Variants in PALS2 observed in about 807,000 individuals in gnomAD.
PALS2 encodes the protein protein PALS2.
A neutral mutation model predicts 61.6 loss-of-function variants in PALS2; 27 were observed. The ratio of observed to expected loss-of-function variants is 0.44; its 90% confidence interval spans 0.32 to 0.60. The LOEUF is 0.60. Among genes scored for constraint, PALS2 ranks in the 20% least tolerant of loss-of-function variants. The pLI, the probability that PALS2 is intolerant of heterozygous loss-of-function variation, is 0.05. For missense variants in PALS2, 554 were observed against 639.4 expected, an observed-to-expected ratio of 0.87 and a Z score of 1.44; for synonymous variants, 236 against 218.6, an observed-to-expected ratio of 1.08 and a Z score of -0.70.
chr7:24,618,263 C>CT lies in PALS2; in HGVS notation c.-2-5403_-2-5402insT, dbSNP rs1175018079. Among the ~76,000 whole-genome samples the CT allele has an allele frequency of 1.2e-4, 18 of 152,110 alleles. No individual in the cohort carries two copies. The East Asian group carries it at 3.5e-3, about 29-fold the overall frequency. ...AAGGGTGGGTTCTCCCTGGATGTGT[C>CT]CACCAGACTGTTTGACCAGAAGTGC... On this transcript the variant is annotated intron_variant, in intron 1 of 11. Coordinates refer to ENST00000222644, the MANE Select transcript of PALS2 (RefSeq NM_001303037.2). This position sits in a 1 kb window ranked among gnomAD's most constrained non-coding sequence, Gnocchi z 5.1.
rs191460177 is a variant in PALS2, at chr7:24,573,712, C to T, written c.-3+119C>T. 902 of 154,404 alleles carry T rather than the reference C, an allele frequency of 5.8e-3. 32 individuals are homozygous for T. In the East Asian group the frequency reaches 0.091, roughly 16 times the overall value. The allele number at this position is 154,404 out of a possible 1,614,324, so 9.6% of individuals were successfully genotyped here. Reference sequence around the variant, plus strand: ...GCGGGGACCCTGGCCCGCCCCGCCCCCCTCGGCACCTGGGCTTCGGCGGGC... The same window carrying T: ...GCGGGGACCCTGGCCCGCCCCGCCCTCCTCGGCACCTGGGCTTCGGCGGGC... On this transcript the variant is annotated intron_variant, in intron 1 of 11. Transcript: ENST00000222644. The surrounding 1 kb of genome is among the most constrained non-coding windows in gnomAD (Gnocchi z 5.3).
intron 9 of PALS2, among the ~76,000 whole-genome samples, 158 bp from the exon 10 acceptor site, chr7:24,678,973 A>G (rs1452655452): frequency 1.3e-5 from 2 of 152,200 alleles, no homozygotes; most frequent in Non-Finnish European, 2.9e-5. Flanking sequence ...GTGGTCCAAT[A>G]AAACTTTATT....
At position 24,663,596 on chromosome 7, in the gene PALS2, G is replaced by T. The variant is rs767911744; in HGVS notation, c.658G>T (p.Val220Leu). 8 of 1,590,342 alleles carry T rather than the reference G, an allele frequency of 5.0e-6. No individual in the cohort carries two copies. In the East Asian group the frequency reaches 1.6e-4, roughly 31 times the overall value. Residue 220 changes from valine (V) to leucine (L), a missense_variant, in exon 6 of 12, where the codon GTG becomes TTG. Val to Leu is a conservative substitution (Grantham distance 32). Transcript: ENST00000222644. ...RDTITPQQVF[V>L]KCHFDYNPYN... ...ATTGTGCTATGTGTTTTAGGTATTTGTGAAGTGTCATTTTGATTATAATCC... is the reference window on the plus strand; with the variant it reads ...ATTGTGCTATGTGTTTTAGGTATTTTTGAAGTGTCATTTTGATTATAATCC...
In PALS2 at chr7:24,679,328, C is replaced by G. The variant is rs763465675; in HGVS notation, c.1312C>G (p.Pro438Ala). The change falls in exon 10 of 12, where the codon CCA (proline) becomes GCA (alanine). Residue 438 changes from proline (P) to alanine (A), a missense_variant. By Grantham distance (27) the Pro-to-Ala change is conservative (BLOSUM62 -1). Transcript: ENST00000222644. ...TGRTCILDVNPQALKVLRTSE... is the reference protein window; with the variant it reads ...TGRTCILDVNAQALKVLRTSE... ...ACGGACTTGCATTCTGGATGTCAAC[C>G]CACAAGTAAGCTGCTTGGATTCCAA... is the stretch of plus-strand genomic sequence containing the variant. The G allele has an allele frequency of 1.4e-5, 22 of 1,613,596 alleles. No individual in the cohort carries two copies. In the Admixed American group the frequency reaches 1.5e-4, roughly 11 times the overall value.
chr7:24,626,393 G>A (rs1395527814), intron 2 of PALS2, among the ~76,000 whole-genome samples: 1 of 152,070 alleles, frequency 6.6e-6, no homozygotes, highest in Non-Finnish European at 1.5e-5. Context: ...AAAGGAGAGA[G>A]GGAAGAAGAA....
chr7:24,587,125 GTTAATAC>G (rs1454734352), intron 1 of PALS2, among the ~76,000 whole-genome samples: 9 of 151,562 alleles, frequency 5.9e-5, no homozygotes, highest in Admixed American at 2.6e-4. Context: ...ATTTGACTAA[GTTAATAC>G]TAAAGGATGG....
At chr7:24,666,132 A>G (rs778448341) in intron 8 of PALS2, 43 bp downstream of exon 8, 20 of 1,516,256 alleles carry the variant, frequency 1.3e-5, no homozygotes, top group African/African-American at 6.9e-5. Flanking sequence ...TGAAGTAGCT[A>G]TATGTCATTT....
At chr7:24,669,398 C>T (rs147981190) in intron 9 of PALS2, among the ~76,000 whole-genome samples, 86 of 152,302 alleles carry the variant, frequency 5.6e-4, no homozygotes, top group African/African-American at 1.8e-3. Flanking sequence ...ACATTTGTCT[C>T]TGACTGTAGG....
intron 1 of PALS2, among the ~76,000 whole-genome samples, chr7:24,614,332 T>C (rs1256183697): frequency 6.6e-6 from 1 of 151,946 alleles, no homozygotes; most frequent in Non-Finnish European, 1.5e-5. Flanking sequence ...ATAGATATAC[T>C]ACTGATTTTT....
intron 2 of PALS2, among the ~76,000 whole-genome samples, chr7:24,632,521 T>C (rs184984464): frequency 1.3e-5 from 2 of 152,234 alleles, no homozygotes; most frequent in Admixed American, 6.5e-5. Flanking sequence ...TGCCTCAGCC[T>C]CTCAAGTAGC....
chr7:24,573,592 CG>C lies in PALS2; in HGVS notation c.-3+1del. ...GCGCGGAGGCGGCTGAGGTGCGAGC[CG>C]GTGAGTTAACTGGACCCCCACGCCG... On this transcript the variant is annotated splice_region_variant and 5_prime_UTR_variant, in exon 1 of 12. Coordinates refer to ENST00000222644, the MANE Select transcript of PALS2 (RefSeq NM_001303037.2). This position sits in a 1 kb window ranked among gnomAD's most constrained non-coding sequence, Gnocchi z 5.3. 1 of 373,194 alleles carries C rather than the reference CG, an allele frequency of 2.7e-6. No homozygotes were observed. Among genetic ancestry groups the C allele is most frequent in the East Asian group, 3.8e-5 (1 of 26,090 alleles). The allele number at this position is 373,194 out of a possible 1,614,324, so 23.1% of individuals were successfully genotyped here.
At chr7:24,600,478 A>C (rs1783680959) in intron 1 of PALS2, among the ~76,000 whole-genome samples, 1 of 152,196 alleles carries the variant, frequency 6.6e-6, no homozygotes, top group Non-Finnish European at 1.5e-5. Flanking sequence ...ATAACATATA[A>C]TATTCAAATG....
In PALS2 at chr7:24,573,947, G is replaced by A. The variant is rs952272396; in HGVS notation, c.-3+354G>A. 3 of 152,274 alleles carry A rather than the reference G, an allele frequency of 2.0e-5. No homozygotes were observed. Among genetic ancestry groups the A allele is most frequent in the Middle Eastern group, 3.2e-3 (1 of 316 alleles). 9.4% of individuals were successfully genotyped at this position (152,274 alleles called of 1,614,324 possible). A position where few individuals can be genotyped will look rare whatever the true frequency, so the allele number is the denominator to read the frequency against. On this transcript the variant is annotated intron_variant, in intron 1 of 11. Coordinates refer to ENST00000222644, the MANE Select transcript of PALS2 (RefSeq NM_001303037.2). The surrounding 1 kb of genome is among the most constrained non-coding windows in gnomAD (Gnocchi z 5.3). ...GCGCTCCCCGGCGCGGCCCCGACTG[G>A]GGCTAGGGCCGCAGACGCGCGGGGC...
chr7:24,598,432 G>A (rs1783598974), intron 1 of PALS2, among the ~76,000 whole-genome samples: 1 of 152,062 alleles, frequency 6.6e-6, no homozygotes, highest in Non-Finnish European at 1.5e-5. Flanking sequence ...CTTGCTATAG[G>A]GAAATTTGCA....
At chr7:24,677,754 G>A (rs993264632) in intron 9 of PALS2, among the ~76,000 whole-genome samples, 5 of 152,108 alleles carry the variant, frequency 3.3e-5, no homozygotes, top group Non-Finnish European at 5.9e-5. Flanking sequence ...AATATGAAAA[G>A]CCATCATAGC....
At chr7:24,657,003 C>A (rs1163813871) in intron 5 of PALS2, among the ~76,000 whole-genome samples, 1 of 152,036 alleles carries the variant, frequency 6.6e-6, no homozygotes, top group Non-Finnish European at 1.5e-5. Flanking sequence ...TTGTTTGATT[C>A]GTTTGTTTAG....
intron 1 of PALS2, among the ~76,000 whole-genome samples, chr7:24,613,797 A>G (rs544296344): frequency 1.3e-5 from 2 of 151,898 alleles, no homozygotes; most frequent in Admixed American, 6.6e-5. Context: ...CTACTTCTGT[A>G]AGATCAACTT....
chr7:24,674,216 C>G (rs756282583), intron 9 of PALS2: 1 of 152,692 alleles, frequency 6.5e-6, no homozygotes, highest in Non-Finnish European at 1.5e-5. Flanking sequence ...TATGGCAGAA[C>G]GGGAACCCAT....
chr7:24,600,235 T>C (rs1264360973), intron 1 of PALS2, among the ~76,000 whole-genome samples: 1 of 152,208 alleles, frequency 6.6e-6, no homozygotes, highest in Non-Finnish European at 1.5e-5. Context: ...AAACTTCTGC[T>C]AAACCCTTCA....
Sources: gnomAD v4.1 joint callset for allele counts (sites outside exome capture counted in the v4.1 genomes callset) on GRCh38, gnomAD v4.1.1 for gene constraint, Gnocchi (gnomAD v3.1) non-coding constraint, MANE v1.5 for transcripts, NCBI Gene and HGNC (gene_info 2026-07-23, HGNC 2026-07-21) for gene names.